Variants in ETV1 observed in about 807,000 individuals in gnomAD.
ETV1 encodes ETS variant transcription factor 1, also known as ETS translocation variant 1.
A neutral mutation model predicts 62.3 loss-of-function variants in ETV1; 27 were observed. The ratio of observed to expected loss-of-function variants is 0.43; its 90% CI spans 0.32 to 0.60. The LOEUF is 0.60. Ranked by LOEUF, ETV1 falls within the 20% of genes least tolerant of loss-of-function variation. The probability of loss-of-function intolerance (pLI) is 0.06; values close to 1 mark genes in which losing one functional copy is unlikely to be tolerated. For synonymous variants in ETV1, 222 were observed against 199.6 expected, an observed-to-expected ratio of 1.11 and a Z score of -0.94; for missense variants, 605 against 605.8, an observed-to-expected ratio of 1.00 and a Z score of 0.01.
chr7:13,897,850 T>C (rs546753363), intron 13 of ETV1, among the ~76,000 whole-genome samples: 125 of 152,350 alleles, frequency 8.2e-4, no homozygotes, highest in Middle Eastern at 3.4e-3. Flanking sequence ...ATGGCCTGCA[T>C]ACCTCTGAGT....
intron 7 of ETV1, among the ~76,000 whole-genome samples, chr7:13,936,940 A>G (rs2128457193): frequency 6.6e-6 from 1 of 152,066 alleles, no homozygotes; most frequent in African/African-American, 2.4e-5. Flanking sequence ...TATTCACGAG[A>G]CTGAGGTGAG....
At chr7:13,964,755 T>TGAAA (rs1486596218) in intron 6 of ETV1, among the ~76,000 whole-genome samples, 2 of 151,878 alleles carry the variant, frequency 1.3e-5, no homozygotes, top group Non-Finnish European at 2.9e-5. Flanking sequence ...TATCTTATAG[T>TGAAA]GAATCTGATA....
At chr7:13,947,458 A>G (rs947959947) in intron 6 of ETV1, among the ~76,000 whole-genome samples, 5 of 151,948 alleles carry the variant, frequency 3.3e-5, no homozygotes, top group African/African-American at 4.8e-5. Context: ...ATTGTCCCAT[A>G]CTCTATTTGA....
chr7:13,946,224 A>G (rs1479321671), intron 6 of ETV1, among the ~76,000 whole-genome samples: 3 of 152,134 alleles, frequency 2.0e-5, no homozygotes, highest in African/African-American at 7.2e-5. Context: ...CATTCTTCAA[A>G]CACATTTTCC....
intron 3 of ETV1, chr7:13,988,458 C>A (rs1056512761): frequency 8.4e-6 from 5 of 593,526 alleles, no homozygotes; most frequent in African/African-American, 7.6e-5. Flanking sequence ...ATCAAAACAA[C>A]CTGAAGCATT....
chr7:13,965,158 C>T (rs775039068), intron 6 of ETV1, among the ~76,000 whole-genome samples: 14 of 152,128 alleles, frequency 9.2e-5, no homozygotes, highest in Non-Finnish European at 1.9e-4. Flanking sequence ...GCATAAACAA[C>T]GCATAAATAC....
chr7:13,981,839 G>T (rs1309119968), intron 5 of ETV1, among the ~76,000 whole-genome samples: 2 of 151,768 alleles, frequency 1.3e-5, no homozygotes, highest in African/African-American at 4.8e-5. Context: ...CAAATAAGAA[G>T]TAAAAAAAGA....
intron 9 of ETV1, among the ~76,000 whole-genome samples, chr7:13,919,625 T>C (rs1784604187): frequency 6.6e-6 from 1 of 150,846 alleles, no homozygotes; most frequent in Non-Finnish European, 1.5e-5. Context: ...TAACCATCTA[T>C]TTAATCTGAT....
intron 13 of ETV1, chr7:13,900,505 T>C: frequency 2.5e-6 from 1 of 403,514 alleles, no homozygotes; most frequent in South Asian, 9.4e-5. Context: ...TGCAGCAAAG[T>C]AGGACCTTCC....
At chr7:13,903,083 ACGAC>A (rs1456927285) in intron 12 of ETV1, among the ~76,000 whole-genome samples, 1 of 152,140 alleles carries the variant, frequency 6.6e-6, no homozygotes, top group Non-Finnish European at 1.5e-5. Flanking sequence ...GCCTTCACAT[ACGAC>A]CGACCAATCG....
At chr7:13,983,802 T>C (rs543507491) in intron 5 of ETV1, among the ~76,000 whole-genome samples, 2 of 152,012 alleles carry the variant, frequency 1.3e-5, no homozygotes, top group East Asian at 3.9e-4. Flanking sequence ...TTTAAATCTC[T>C]GTATGGGAAT....
chr7:13,923,845 C>G (rs1785120922), intron 9 of ETV1, among the ~76,000 whole-genome samples: 1 of 151,900 alleles, frequency 6.6e-6, no homozygotes, highest in Non-Finnish European at 1.5e-5. Context: ...CCAGCATGAC[C>G]AACACGGAGA....
chr7:13,987,135 T>G (rs11768235), intron 4 of ETV1: 1 of 154,600 alleles, frequency 6.5e-6, no homozygotes, highest in South Asian at 2.0e-4. Context: ...TGGTACATGG[T>G]ACAACTGTCA....
At chr7:13,977,001 T>C (rs190147281) in intron 6 of ETV1, among the ~76,000 whole-genome samples, 90 of 152,340 alleles carry the variant, frequency 5.9e-4, no homozygotes, top group Non-Finnish European at 9.4e-4. Context: ...CCAGAATCTT[T>C]TATAAATTAT....
chr7:13,895,800 G>T lies in ETV1; in HGVS notation c.*66C>A. ...ACAACAGAAATAAAACAAAGATTCA[G>T]CAATTCTCTGTATCTTGCAGAAAAA... On this transcript the variant is annotated 3_prime_UTR_variant, in exon 14 of 14. Coordinates refer to ENST00000430479, the MANE Select transcript of ETV1 (RefSeq NM_004956.5). 1.0e-6 allele frequency: 1 copy of T among 1,002,396 alleles called. No individual in the cohort carries two copies. Among genetic ancestry groups the T allele is most frequent in the Non-Finnish European group, 1.5e-6 (1 of 657,404 alleles). The allele number at this position is 1,002,396 out of a possible 1,614,324, so 62.1% of individuals were successfully genotyped here. A position where few individuals can be genotyped will look rare whatever the true frequency, so the allele number is the denominator to read the frequency against.
chr7:13,979,203 G>GT (rs756147085), intron 5 of ETV1, among the ~76,000 whole-genome samples: 1 of 152,008 alleles, frequency 6.6e-6, no homozygotes, highest in African/African-American at 2.4e-5. Context: ...TGAAAATACA[G>GT]TTTTTTGGTG....
At chr7:13,980,456 A>G (rs927364713) in intron 5 of ETV1, among the ~76,000 whole-genome samples, 3 of 152,182 alleles carry the variant, frequency 2.0e-5, no homozygotes, top group Non-Finnish European at 4.4e-5. Flanking sequence ...AGCCTAAAAA[A>G]GCAATGTTTT....
chr7:13,961,993 A>G (rs1156715757), intron 6 of ETV1, among the ~76,000 whole-genome samples: 4 of 152,130 alleles, frequency 2.6e-5, no homozygotes, highest in African/African-American at 9.7e-5. Flanking sequence ...ATTTATGAGT[A>G]TGAAGAAAAA....
chr7:13,904,702 T>C (rs187564021), intron 12 of ETV1, among the ~76,000 whole-genome samples: 1 of 152,090 alleles, frequency 6.6e-6, no homozygotes, highest in East Asian at 1.9e-4. Flanking sequence ...CTGTAGAAAG[T>C]GCTCAGTTCC....
Sources: allele counts gnomAD v4.1 joint callset (sites outside exome capture counted in the v4.1 genomes callset), GRCh38; gene constraint gnomAD v4.1.1; transcripts MANE v1.5; gene names NCBI Gene and HGNC (gene_info 2026-07-23, HGNC 2026-07-21).